Variants in RRAGD observed in about 807,000 individuals in gnomAD.
The protein encoded by RRAGD is Ras related GTP binding D.
Under a neutral mutation model 35.5 loss-of-function variants are expected in RRAGD, and 12 were observed. The ratio of observed to expected loss-of-function variants is 0.34; its 90% CI spans 0.22 to 0.55. The LOEUF (loss-of-function observed/expected upper bound fraction) is 0.55. Among genes scored for constraint, RRAGD ranks in the 20% least tolerant of loss-of-function variants. The pLI, the probability that RRAGD is intolerant of heterozygous loss-of-function variation, is 0.91. For synonymous variants in RRAGD, 155 were observed against 178.9 expected, an observed-to-expected ratio of 0.87 and a Z score of 1.07; for missense variants, 324 against 490.1, an observed-to-expected ratio of 0.66 and a Z score of 3.20.
At chr6:89,372,154 C>G (rs1768862985) in intron 6 of RRAGD, among the ~76,000 whole-genome samples, 1 of 152,176 alleles carries the variant, frequency 6.6e-6, no homozygotes, top group Non-Finnish European at 1.5e-5. Flanking sequence ...CTAGCTTCCC[C>G]CTAGCAGAGA....
intron 1 of RRAGD, among the ~76,000 whole-genome samples, chr6:89,400,387 T>C (rs1296581763): frequency 6.6e-6 from 1 of 152,176 alleles, no homozygotes; most frequent in Non-Finnish European, 1.5e-5. Flanking sequence ...TGTTTTTTAC[T>C]GTGGGCCAGG....
rs1242247951 is a variant in RRAGD, at chr6:89,366,459, G to C, written c.*1597C>G. ...AGGTGGAAGGATCCCTTGAGCCCAAGAGGTAACAGTGAGCTATGATTGTAC... is the reference window on the plus strand; with the variant it reads ...AGGTGGAAGGATCCCTTGAGCCCAACAGGTAACAGTGAGCTATGATTGTAC... On this transcript the variant is annotated 3_prime_UTR_variant, in exon 7 of 7. Transcript: ENST00000369415. 6.7e-6 allele frequency: 1 copy of C among 149,526 alleles called. No individual in the cohort carries two copies. Among genetic ancestry groups the C allele is most frequent in the Non-Finnish European group, 1.5e-5 (1 of 67,814 alleles). The allele number at this position is 149,526 out of a possible 1,614,324, so 9.3% of individuals were successfully genotyped here.
At chr6:89,401,398 C>T (rs1004742796) in intron 1 of RRAGD, among the ~76,000 whole-genome samples, 4 of 152,014 alleles carry the variant, frequency 2.6e-5, no homozygotes, top group Non-Finnish European at 4.4e-5. Flanking sequence ...GCTAGGATTA[C>T]GGGCGCCTGA....
intron 1 of RRAGD, among the ~76,000 whole-genome samples, chr6:89,388,607 A>G (rs1769176410): frequency 6.6e-6 from 1 of 152,220 alleles, no homozygotes; most frequent in Admixed American, 6.5e-5. Context: ...GACACAGAAC[A>G]GCAGTCCCCA....
At chr6:89,376,300 GGTGTGT>G (rs34484330) in intron 5 of RRAGD, among the ~76,000 whole-genome samples, 3,035 of 141,818 alleles carry the variant, frequency 0.021, 63 homozygotes, top group African/African-American at 0.056. Context: ...ATGTGTGTGT[GGTGTGT>G]GTGTGTGTGT....
rs546351692 is a variant in RRAGD, at chr6:89,367,342, C to T, written c.*714G>A. On this transcript the variant is annotated 3_prime_UTR_variant, in exon 7 of 7. Transcript: ENST00000369415. ...ATACTAATGCAACAAAAAGAAATAA[C>T]CTCTCTGTATAAAGTGATTATAGAG... is the stretch of plus-strand genomic sequence containing the variant. The T allele has an allele frequency of 3.3e-5, 5 of 152,268 alleles. No homozygotes were observed. The highest frequency in any genetic ancestry group is 7.2e-5 in the African/African-American group (3 of 41,552). 9.4% of individuals were successfully genotyped at this position (152,268 alleles called of 1,614,324 possible). A position where few individuals can be genotyped will look rare whatever the true frequency, so the allele number is the denominator to read the frequency against.
intron 4 of RRAGD, 128 bp from the exon 5 acceptor site, chr6:89,377,941 A>C: frequency 1.5e-6 from 1 of 668,966 alleles, no homozygotes; most frequent in Non-Finnish European, 2.5e-6. Flanking sequence ...TAAAAATTTA[A>C]ATTGTATCAT....
intron 1 of RRAGD, among the ~76,000 whole-genome samples, chr6:89,408,100 A>G (rs904298997): frequency 3.3e-5 from 5 of 152,192 alleles, no homozygotes; most frequent in African/African-American, 1.2e-4. Flanking sequence ...CAGGGCCAGA[A>G]GGAAATCTAA....
In RRAGD at chr6:89,372,533, T is replaced by C. The variant is rs565273887; in HGVS notation, c.955A>G (p.Ile319Val). 6.3e-7 allele frequency: 1 copy of C among 1,598,126 alleles called. No homozygotes were observed. The highest frequency in any genetic ancestry group is 1.4e-5 in the African/African-American group (1 of 73,544). Residue 319 changes from isoleucine (I) to valine (V), a missense_variant, in exon 6 of 7, where the codon ATA becomes GTA. By Grantham distance (29) the Ile-to-Val change is conservative (BLOSUM62 3). Transcript: ENST00000369415. ...TPYDKESTAI[I>V]KLNNTTVLYL... ...AGCACGGTTGTATTATTAAGCTTTATGATGGCTGTGGATTCCTTGTCATAG... is the reference window on the plus strand; with the variant it reads ...AGCACGGTTGTATTATTAAGCTTTACGATGGCTGTGGATTCCTTGTCATAG...
At chr6:89,379,493 A>C (rs947013136) in intron 3 of RRAGD, among the ~76,000 whole-genome samples, 155 bp from the exon 4 acceptor site, 17 of 152,174 alleles carry the variant, frequency 1.1e-4, no homozygotes, top group Non-Finnish European at 1.2e-4. Context: ...CTCGGTAAAA[A>C]ACAAGCCATT....
At chr6:89,375,911 C>T (rs1211830456) in intron 5 of RRAGD, among the ~76,000 whole-genome samples, 1 of 152,208 alleles carries the variant, frequency 6.6e-6, no homozygotes, top group Non-Finnish European at 1.5e-5. Flanking sequence ...TGATTAACAT[C>T]ATTTACATGA....
In RRAGD at chr6:89,367,040, A is replaced by G. The variant is rs1410129014; in HGVS notation, c.*1016T>C. On this transcript the variant is annotated 3_prime_UTR_variant, in exon 7 of 7. Coordinates refer to ENST00000369415, the MANE Select transcript of RRAGD (RefSeq NM_021244.5). ...GGTTCTGCGATTTGTTCTATTCACT[A>G]TGGTCATGGAGCAATAAAGAACTGG... 6.6e-6 allele frequency: 1 copy of G among 152,328 alleles called. No individual in the cohort carries two copies. Among genetic ancestry groups the G allele is most frequent in the African/African-American group, 2.4e-5 (1 of 41,568 alleles). 9.4% of individuals were successfully genotyped at this position (152,328 alleles called of 1,614,324 possible).
At chr6:89,398,315 A>C (rs188647670) in intron 1 of RRAGD, among the ~76,000 whole-genome samples, 1 of 152,364 alleles carries the variant, frequency 6.6e-6, no homozygotes, top group African/African-American at 2.4e-5. Flanking sequence ...AATATGTGTT[A>C]TGTCAATTAA....
intron 1 of RRAGD, among the ~76,000 whole-genome samples, chr6:89,390,974 C>T (rs1359207995): frequency 1.3e-5 from 2 of 152,046 alleles, no homozygotes; most frequent in African/African-American, 4.8e-5. Flanking sequence ...AAATTGAAAT[C>T]ATATATCCAG....
intron 1 of RRAGD, among the ~76,000 whole-genome samples, chr6:89,389,312 T>C (rs1293118632): frequency 6.6e-6 from 1 of 151,970 alleles, no homozygotes; most frequent in Non-Finnish European, 1.5e-5. Context: ...TCCCAGCACT[T>C]TGGGAGGCCG....
At chr6:89,381,008 T>C (rs980950602) in intron 2 of RRAGD, among the ~76,000 whole-genome samples, 2 of 152,126 alleles carry the variant, frequency 1.3e-5, no homozygotes, top group Non-Finnish European at 2.9e-5. Context: ...CTCCTAACTT[T>C]TCCAGTCTCT....
rs552284389 is a variant in RRAGD, at chr6:89,405,224, T to G, written c.148+6622A>C. Among the ~76,000 whole-genome samples, 236 of 151,614 alleles carry G rather than the reference T, an allele frequency of 1.6e-3. 2 individuals are homozygous for G. The highest frequency in any genetic ancestry group is 5.0e-3 in the African/African-American group (206 of 41,346). ...AAAAAATCAGCCAGGTGTGGCAGCG[T>G]GCGCCTGTAGTCCCAGCTGCTGGGG... On this transcript the variant is annotated intron_variant, in intron 1 of 6. Coordinates refer to ENST00000369415, the MANE Select transcript of RRAGD (RefSeq NM_021244.5).
chr6:89,390,453 C>T (rs548766066), intron 1 of RRAGD, among the ~76,000 whole-genome samples: 1 of 152,258 alleles, frequency 6.6e-6, no homozygotes, highest in South Asian at 2.1e-4. Context: ...AAGTAAAAAC[C>T]ACATTGAGAT....
At position 89,387,511 on chromosome 6, in the gene RRAGD, C is replaced by T. The variant is rs560624829; in HGVS notation, c.228G>A (p.Ser76=). Residue 76 remains serine, a synonymous_variant, in exon 2 of 7, where the codon TCG becomes TCA. Transcript: ENST00000369415. ...LLMGLRRSGK[S]SIQKVVFHKM... ...TGTGAAAGACAACTTTCTGAATAGA[C>T]GACTTGCCGCTTCTCCTCAGGCCCA... 5.6e-6 allele frequency: 9 copies of T among 1,614,174 alleles called. No individual in the cohort carries two copies. Among genetic ancestry groups the T allele is most frequent in the South Asian group, 4.4e-5 (4 of 91,086 alleles).
Sources: gnomAD v4.1 joint callset for allele counts (sites outside exome capture counted in the v4.1 genomes callset) on GRCh38, gnomAD v4.1.1 for gene constraint, MANE v1.5 for transcripts, NCBI Gene and HGNC (gene_info 2026-07-23, HGNC 2026-07-21) for gene names.